The following PLAAT1 variants were observed in gnomAD, a reference collection of about 807,000 sequenced individuals.
The protein encoded by PLAAT1 is H-REV107 protein-related protein.
A neutral mutation model predicts 16.4 loss-of-function variants in PLAAT1; 13 were observed. The observed-to-expected ratio is 0.79, with a 90% CI of 0.52 to 1.26. The LOEUF is 1.26. Among genes scored for constraint, PLAAT1 ranks in the 50% most tolerant of loss-of-function variants. PLAAT1 has a pLI of 0.00. For missense variants in PLAAT1, 218 were observed against 207.8 expected (o/e 1.05, Z -0.30); for synonymous variants, 73 against 78.4 (o/e 0.93, Z 0.36).
chr3:193,244,382 A>G (rs1001210977), intron 1 of PLAAT1, among the ~76,000 whole-genome samples: 5 of 152,046 alleles, frequency 3.3e-5, no homozygotes, highest in Non-Finnish European at 7.4e-5. Flanking sequence ...AATGACAATG[A>G]TGACTCTGCA....
At chr3:193,243,615 A>C (rs1014413660) in intron 1 of PLAAT1, among the ~76,000 whole-genome samples, 1 of 152,204 alleles carries the variant, frequency 6.6e-6, no homozygotes, top group Admixed American at 6.5e-5. Flanking sequence ...TCCTTTGGTT[A>C]ATGATGTTAA....
chr3:193,251,887 C>T (rs1716203514), intron 1 of PLAAT1, among the ~76,000 whole-genome samples: 1 of 152,048 alleles, frequency 6.6e-6, no homozygotes, highest in African/African-American at 2.4e-5. Flanking sequence ...TAGGGAGCCT[C>T]CTATTACACC....
intron 1 of PLAAT1, among the ~76,000 whole-genome samples, chr3:193,250,216 A>G (rs1285902783): frequency 6.6e-6 from 1 of 151,906 alleles, no homozygotes; most frequent in Non-Finnish European, 1.5e-5. Flanking sequence ...TTTTATTCTT[A>G]TTGTCCCCCA....
chr3:193,245,743 A>T (rs1002972759), intron 1 of PLAAT1, among the ~76,000 whole-genome samples: 35 of 152,182 alleles, frequency 2.3e-4, no homozygotes, highest in Admixed American at 6.5e-5. Flanking sequence ...GCATGAGGAG[A>T]TACCACATTG....
At chr3:193,272,792 G>T (rs943499726), downstream of PLAAT1, among the ~76,000 whole-genome samples, 2 of 142,682 alleles carry the variant, frequency 1.4e-5, no homozygotes, top group Non-Finnish European at 3.0e-5. Flanking sequence ...GTTTGAGGGT[G>T]TGGTAGTTTT....
intron 2 of PLAAT1, among the ~76,000 whole-genome samples, chr3:193,256,301 T>C (rs4501063): frequency 0.38 from 58,235 of 151,948 alleles, 12,795 homozygotes; most frequent in Non-Finnish European, 0.48. Context: ...GGATGAGAAG[T>C]GCTGAGGGCA....
At chr3:193,268,474 T>C (rs1289393718) in intron 3 of PLAAT1, among the ~76,000 whole-genome samples, 1 of 152,156 alleles carries the variant, frequency 6.6e-6, no homozygotes, top group East Asian at 1.9e-4. Flanking sequence ...CTCTAAAGGA[T>C]AAAGAATGCA....
intron 3 of PLAAT1, among the ~76,000 whole-genome samples, chr3:193,268,105 T>C (rs1395741630): frequency 6.6e-6 from 1 of 152,236 alleles, no homozygotes; most frequent in Non-Finnish European, 1.5e-5. Context: ...ATTTGTCTTT[T>C]ACAGTTGTTT....
At chr3:193,275,569 G>A (rs1055418819), downstream of PLAAT1, among the ~76,000 whole-genome samples, 1 of 151,902 alleles carries the variant, frequency 6.6e-6, no homozygotes, top group Non-Finnish European at 1.5e-5. Context: ...TTCTTAGAAT[G>A]ATTTTCCCCT....
upstream of PLAAT1, among the ~76,000 whole-genome samples, chr3:193,240,637 C>T (rs1715678173): frequency 9.7e-6 from 1 of 103,340 alleles, no homozygotes; most frequent in African/African-American, 3.8e-5. Context: ...GTCTGGAGGT[C>T]TGTGCTGGCT....
intron 1 of PLAAT1, among the ~76,000 whole-genome samples, chr3:193,254,859 G>T (rs1160887310): frequency 1.3e-5 from 2 of 152,078 alleles, no homozygotes; most frequent in African/African-American, 4.8e-5. Flanking sequence ...GCAAACCAGA[G>T]TACCTATACA....
chr3:193,252,654 C>T (rs1426861643), intron 1 of PLAAT1, among the ~76,000 whole-genome samples: 2 of 151,926 alleles, frequency 1.3e-5, no homozygotes, highest in Non-Finnish European at 2.9e-5. Context: ...AATTTTTCTC[C>T]TATGTTTTTC....
intron 1 of PLAAT1, among the ~76,000 whole-genome samples, chr3:193,254,477 G>A (rs1466440864): frequency 6.6e-6 from 1 of 152,140 alleles, no homozygotes; most frequent in African/African-American, 2.4e-5. Context: ...CATAGATACA[G>A]CATTTAAATC....
chr3:193,280,518 G>A (rs1717440977), downstream of PLAAT1, among the ~76,000 whole-genome samples: 1 of 152,078 alleles, frequency 6.6e-6, no homozygotes, highest in African/African-American at 2.4e-5. Context: ...CTGGTTCTCT[G>A]GAACTCTGAC....
intron 3 of PLAAT1, among the ~76,000 whole-genome samples, chr3:193,269,985 A>G (rs895150305): frequency 5.9e-5 from 9 of 152,100 alleles, no homozygotes; most frequent in African/African-American, 2.2e-4. Flanking sequence ...TTTATCAGAA[A>G]AGAAATTGTG....
At chr3:193,276,337 T>A (rs1284748527) in intron 2 of PLAAT1, among the ~76,000 whole-genome samples, 2 of 152,210 alleles carry the variant, frequency 1.3e-5, no homozygotes, top group African/African-American at 4.8e-5. Flanking sequence ...AGGAATTGAC[T>A]AGAATAAGCA....
At chr3:193,279,691 C>T (rs1187822439), downstream of PLAAT1, among the ~76,000 whole-genome samples, 1 of 152,032 alleles carries the variant, frequency 6.6e-6, no homozygotes, top group Admixed American at 6.5e-5. Context: ...TTAAAGTAAC[C>T]TCCATAAAGC....
chr3:193,251,558 T>C (rs1395355164), intron 1 of PLAAT1, among the ~76,000 whole-genome samples: 1 of 152,142 alleles, frequency 6.6e-6, no homozygotes, highest in Non-Finnish European at 1.5e-5. Context: ...GCCTTTTCCA[T>C]ACTATTTTTC....
In PLAAT1 at chr3:193,270,728, T is replaced by C. The variant is rs780358421; in HGVS notation, c.*23T>C. 3.1e-6 allele frequency: 5 copies of C among 1,606,476 alleles called. No homozygotes were observed. In the South Asian group the frequency reaches 4.4e-5, roughly 14 times the overall value. ...TAACAATTTACCAAAGAGATATTGA[T>C]ATTGAAGGAATTTGGGAGGAGGAAA... On this transcript the variant is annotated 3_prime_UTR_variant, in exon 4 of 4. Transcript: ENST00000264735.
Sources: gnomAD v4.1 joint callset for allele counts (sites outside exome capture counted in the v4.1 genomes callset) on GRCh38, gnomAD v4.1.1 for gene constraint, MANE v1.5 for transcripts, NCBI Gene and HGNC (gene_info 2026-07-23, HGNC 2026-07-21) for gene names.